TTN: variants seen among roughly 807,000 people sequenced by gnomAD.
TTN encodes connectin.
TTN carries 1,525 observed loss-of-function variants against 3,223.0 expected under a neutral mutation model. That is an observed-to-expected ratio of 0.47 (90% CI 0.45 to 0.49). The LOEUF is 0.49. Among genes scored for constraint, TTN ranks in the 20% least tolerant of loss-of-function variants. The pLI, the probability that TTN is intolerant of heterozygous loss-of-function variation, is 0.00. For missense variants in TTN, 40,786 were observed against 43,424.0 expected (o/e 0.94, Z 5.40); for synonymous variants, 14,094 against 15,161.0 (o/e 0.93, Z 5.17).
In TTN at chr2:178,756,622, T is replaced by C. The variant is rs79466278; in HGVS notation, c.10854A>G (p.Gln3618=). 6.2e-7 allele frequency: 1 copy of C among 1,613,682 alleles called. No homozygotes were observed. Among genetic ancestry groups the C allele is most frequent in the Middle Eastern group, 1.7e-4 (1 of 6,058 alleles). Reference sequence around the variant, plus strand: ...CAGATGCAGCTGTGTGGATGGAACTTTGAGATACACTTTCAAAAACCTGCA... The same window carrying C: ...CAGATGCAGCTGTGTGGATGGAACTCTGAGATACACTTTCAAAAACCTGCA... The part of the protein sequence containing the change: ...YEVQVFESVS[Q]SSIHTAASVQ... Residue 3618 remains glutamine (Q), a synonymous_variant, in exon 46 of 363, where the codon CAA becomes CAG. Transcript: ENST00000589042.
Position 178,545,523 on chromosome 2 carries a change from C to A in TTN, c.95587G>T (p.Val31863Leu). ...GTCACCTTCAGCCTGGTATCATACA[C>A]CACATAGTCTTTGTTGACACGTGTC... ...RWTRVNKDYV[V>L]YDTRLKVTSL... The change falls in exon 344 of 363, where the codon GTG (valine) becomes TTG (leucine). Residue 31863 changes from valine (V) to leucine (L), a missense_variant. Transcript: ENST00000589042. 1 of 1,613,710 alleles carries A rather than the reference C, an allele frequency of 6.2e-7. No individual in the cohort carries two copies. The highest frequency in any genetic ancestry group is 2.2e-5 in the East Asian group (1 of 44,866).
chr2:178,761,407 C>T (rs913808852), intron 43 of TTN, among the ~76,000 whole-genome samples: 3 of 152,194 alleles, frequency 2.0e-5, no homozygotes, highest in East Asian at 1.9e-4. Context: ...AACTTTAGCA[C>T]GGCCTTTGCT....
intron 330 of TTN, chr2:178,555,622 A>G (rs1386412069): frequency 6.3e-6 from 1 of 157,744 alleles, no homozygotes; most frequent in Non-Finnish European, 1.4e-5. Flanking sequence ...ATTACTGGAC[A>G]GATTTTCTGC....
In TTN at chr2:178,576,480, A is replaced by C. The variant is rs751448947; in HGVS notation, c.69715+49T>G. On this transcript the variant is annotated intron_variant, in intron 325 of 362. Transcript: ENST00000589042. The surrounding 1 kb of genome is among the most constrained non-coding windows in gnomAD (Gnocchi z 4.3). ...GTTTGGCTTTTGGGTAATTTAGATA[A>C]AATATTGGCACTCTGGAATGAACGG... 15 of 1,592,494 alleles carry C rather than the reference A, an allele frequency of 9.4e-6. No homozygotes were observed. Among genetic ancestry groups the C allele is most frequent in the Non-Finnish European group, 1.3e-5 (15 of 1,174,758 alleles).
chr2:178,733,021 G>A lies in TTN; in HGVS notation c.16155C>T (p.Pro5385=), dbSNP rs762536528. The change falls in exon 55 of 363, where the codon CCC becomes CCT. Residue 5385 remains proline, a synonymous_variant. Coordinates refer to ENST00000589042, the MANE Select transcript of TTN (RefSeq NM_001267550.2). ...CATCCTTAAACCAGGACACCCTCAT[G>A]GGGAGGGAGCCTGCAATTTTGCAGT... ...RLDCKIAGSL[P]MRVSWFKDGK... 2 of 1,613,508 alleles carry A rather than the reference G, an allele frequency of 1.2e-6. No homozygotes were observed. Among genetic ancestry groups the A allele is most frequent in the East Asian group, 2.2e-5 (1 of 44,754 alleles).
rs1686464593 is a variant in TTN, at chr2:178,526,452, A to C, written c.*560T>G. On this transcript the variant is annotated 3_prime_UTR_variant, in exon 363 of 363. Coordinates refer to ENST00000589042, the MANE Select transcript of TTN (RefSeq NM_001267550.2). ...ATTTGTCATGATAATTTTGTGTGAC[A>C]TCATCAGAGAAAATGTAAGACGTTA... is the stretch of plus-strand genomic sequence containing the variant. 1 of 152,684 alleles carries C rather than the reference A, an allele frequency of 6.5e-6. No homozygotes were observed. Among genetic ancestry groups the C allele is most frequent in the East Asian group, 1.9e-4 (1 of 5,206 alleles). The allele number at this position is 152,684 out of a possible 1,614,324, so 9.5% of individuals were successfully genotyped here.
At position 178,636,202 on chromosome 2, in the gene TTN, A is replaced by C; in HGVS notation, c.41369T>G (p.Val13790Gly). The C allele has an allele frequency of 6.2e-7, 1 of 1,602,730 alleles. No homozygotes were observed. The change falls in exon 226 of 363, where the codon GTC becomes GGC. Residue 13790 changes from valine (V) to glycine (G), a missense_variant. Val to Gly is a moderately radical substitution (Grantham distance 109). Transcript: ENST00000589042. This position sits in a 1 kb window ranked among gnomAD's most constrained non-coding sequence, Gnocchi z 4.3. The stretch of plus-strand genomic sequence containing the variant: ...CAATGGCTGTCCTTTGACCACTGTG[A>C]CTTCCTCTTCCAGTGTTTTTACAAA... ...VRFVKTLEEE[V>G]TVVKGQPLYL...
intron 62 of TTN, 25 bp from the exon 63 acceptor site, chr2:178,729,970 T>A: frequency 6.2e-7 from 1 of 1,602,614 alleles, no homozygotes; most frequent in Non-Finnish European, 8.5e-7. Flanking sequence ...AGAATTGTGA[T>A]GTTGAATATT....
intron 292 of TTN, 59 bp downstream of exon 292, chr2:178,598,447 T>C (rs2052359030): frequency 1.3e-6 from 2 of 1,560,320 alleles, no homozygotes; most frequent in Admixed American, 4.2e-5. Context: ...GGATTGAGAA[T>C]AACTATGACA....
At chr2:178,683,389 T>A in intron 133 of TTN, 98 bp from the exon 134 acceptor site, 1 of 666,072 alleles carries the variant, frequency 1.5e-6, no homozygotes, top group Non-Finnish European at 2.5e-6. Context: ...AAGACAACCA[T>A]AACAGTGCCT....
rs2092325791 is a variant in TTN at position 178,777,206 on chromosome 2, T to A, written c.4757A>T (p.Asp1586Val). The change falls in exon 27 of 363, where the codon GAC (aspartate) becomes GTC (valine). Residue 1586 changes from aspartate to valine, a missense_variant. Transcript: ENST00000589042. ...GTCACTGTTTTTCAACCATACAATG[T>A]CAGGGTTGGGGTTACCCGTAGCTCT... ...KVRATGNPNP[D>V]IVWLKNSDII... The A allele has an allele frequency of 1.9e-6, 3 of 1,614,138 alleles. No homozygotes were observed.
chr2:178,750,079 T>TA lies in TTN; in HGVS notation c.11311+3044dup, dbSNP rs764093087. The TA allele has an allele frequency of 3.7e-6, 6 of 1,613,232 alleles. No homozygotes were observed. The South Asian group carries it at 6.6e-5, about 18-fold the overall frequency. ...GTTCTGGGATAGGAGTAGCTGCTGT[T>TA]ACCTGAATTTCTACAGGAAAGGAAA... On this transcript the variant is annotated intron_variant, in intron 47 of 362. Transcript: ENST00000589042.
chr2:178,532,039 C>T lies in TTN; in HGVS notation c.104576G>A (p.Arg34859Gln), dbSNP rs68080670. Residue 34859 changes from arginine to glutamine, a missense_variant, in exon 358 of 363, where the codon CGG becomes CAG. By Grantham distance (43) the Arg-to-Gln change is conservative (BLOSUM62 1). Coordinates refer to ENST00000589042, the MANE Select transcript of TTN (RefSeq NM_001267550.2). ...ELMRPVSELI[R>Q]SRPQPAEEYE... ...TTCCTCAGCCGGTTGTGGACGTGACCGGATCAGCTCAGACACTGGCCTCAT... is the reference window on the plus strand; with the variant it reads ...TTCCTCAGCCGGTTGTGGACGTGACTGGATCAGCTCAGACACTGGCCTCAT... The T allele has an allele frequency of 0.014, 23,126 of 1,613,812 alleles. 247 individuals carry two copies. The highest frequency in any genetic ancestry group is 0.016 in the Non-Finnish European group (18,990 of 1,179,852).
Position 178,590,974 on chromosome 2 carries a change from T to C in TTN, c.60751A>G (p.Lys20251Glu). The C allele has an allele frequency of 6.2e-7, 1 of 1,613,478 alleles. No homozygotes were observed. The highest frequency in any genetic ancestry group is 1.3e-5 in the African/African-American group (1 of 75,000). The stretch of plus-strand genomic sequence containing the variant: ...TCAAGGGGAGGACCAACACCTATCT[T>C]ATTCTCTGCTCTAACTCGGAAAACA... ...EYVFRVRAEN[K>E]IGVGPPLDST... The change falls in exon 304 of 363, where the codon AAG becomes GAG. Residue 20251 changes from lysine (K) to glutamate (E), a missense_variant. Physicochemically the swap from Lys to Glu is moderately conservative, Grantham distance 56. Coordinates refer to ENST00000589042, the MANE Select transcript of TTN (RefSeq NM_001267550.2).
rs374363551 is a variant in TTN, at chr2:178,576,431, A to G, written c.69716-15T>C. 14 of 1,577,816 alleles carry G rather than the reference A, an allele frequency of 8.9e-6. No homozygotes were observed. In the Middle Eastern group the frequency reaches 5.1e-4, roughly 57 times the overall value. On this transcript the variant is annotated splice_polypyrimidine_tract_variant and intron_variant, in intron 325 of 362. Transcript: ENST00000589042. This position sits in a 1 kb window ranked among gnomAD's most constrained non-coding sequence, Gnocchi z 4.3. ...TCCTGGAGGATCTGAGAAAGAAACAAAGACACAAAAGTATATATTCAGAGT... is the reference window on the plus strand; with the variant it reads ...TCCTGGAGGATCTGAGAAAGAAACAGAGACACAAAAGTATATATTCAGAGT...
In TTN at chr2:178,574,784, C is replaced by G. The variant is rs145504744; in HGVS notation, c.71348G>C (p.Arg23783Pro). The G allele has an allele frequency of 6.2e-7, 1 of 1,611,160 alleles. No individual in the cohort carries two copies. The highest frequency in any genetic ancestry group is 8.5e-7 in the Non-Finnish European group (1 of 1,178,246). The change falls in exon 326 of 363, where the codon CGT (arginine) becomes CCT (proline). Residue 23783 changes from arginine to proline, a missense_variant. Coordinates refer to ENST00000589042, the MANE Select transcript of TTN (RefSeq NM_001267550.2). ...TWVELATTVI[R>P]TTYKATRLTT... ...AAGGCGGGTGGCTTTATAGGTAGTACGTATAACGGTGGTTGCTAACTCAAC... is the reference window on the plus strand; with the variant it reads ...AAGGCGGGTGGCTTTATAGGTAGTAGGTATAACGGTGGTTGCTAACTCAAC...
At chr2:178,716,084 G>T (rs766745076) in intron 88 of TTN, among the ~76,000 whole-genome samples, 1 of 152,142 alleles carries the variant, frequency 6.6e-6, no homozygotes, top group Non-Finnish European at 1.5e-5. Context: ...ATAATAGCAT[G>T]TATCTGTCAG....
In TTN at chr2:178,634,388, G is replaced by A. The variant is rs1559972286; in HGVS notation, c.42393C>T (p.Thr14131=). The stretch of plus-strand genomic sequence containing the variant: ...TACCTGTGACAAACAACCGAGCTGA[G>A]GTCTTCTTGCCCTCCACCTCAGCAG... ...VYTAEVEGKK[T]SARLFVTGIR... The change falls in exon 230 of 363, where the codon ACC becomes ACT. Residue 14131 remains threonine (T), a synonymous_variant. Transcript: ENST00000589042. The surrounding 1 kb of genome is among the most constrained non-coding windows in gnomAD (Gnocchi z 4.6). 3 of 1,608,940 alleles carry A rather than the reference G, an allele frequency of 1.9e-6. No individual in the cohort carries two copies. Among genetic ancestry groups the A allele is most frequent in the Non-Finnish European group, 2.5e-6 (3 of 1,178,632 alleles).
rs775667037 is a variant in TTN, at chr2:178,613,712, A to G, written c.49532+39T>C. ...TACTAAAGAGTAAACATTTGAATAT[A>G]CTGCTGTCTTAACATCTTGATGGGG... On this transcript the variant is annotated intron_variant, in intron 263 of 362. Coordinates refer to ENST00000589042, the MANE Select transcript of TTN (RefSeq NM_001267550.2). 4.4e-6 allele frequency: 7 copies of G among 1,589,432 alleles called. No individual in the cohort carries two copies. In the East Asian group the frequency reaches 1.3e-4, roughly 31 times the overall value.
Sources: gnomAD v4.1 joint callset for allele counts (sites outside exome capture counted in the v4.1 genomes callset) on GRCh38, gnomAD v4.1.1 for gene constraint, Gnocchi (gnomAD v3.1) non-coding constraint, MANE v1.5 for transcripts, NCBI Gene and HGNC (gene_info 2026-07-23, HGNC 2026-07-21) for gene names.